Variants in PPP1R37 observed in about 807,000 individuals in gnomAD.
PPP1R37 encodes the protein leucine rich repeat containing 68.
PPP1R37 carries 21 observed loss-of-function variants against 61.0 expected under a neutral mutation model. The ratio of observed to expected loss-of-function variants is 0.34; its 90% confidence interval spans 0.24 to 0.50. The LOEUF (loss-of-function observed/expected upper bound fraction) is 0.50. Among genes scored for constraint, PPP1R37 ranks in the 20% least tolerant of loss-of-function variants. PPP1R37 has a pLI of 0.98. For missense variants in PPP1R37, 910 were observed against 952.7 expected (o/e 0.96, Z 0.59); for synonymous variants, 443 against 433.5 (o/e 1.02, Z -0.27).
chr19:45,140,329 G>A (rs1048205479), intron 3 of PPP1R37, 48 bp downstream of exon 3: 9 of 1,512,958 alleles, frequency 5.9e-6, no homozygotes, highest in East Asian at 4.9e-5. Context: ...TGGGCAGGTC[G>A]GGGGCTCCCT....
chr19:45,107,250 T>G (rs1968143925), intron 1 of PPP1R37, among the ~76,000 whole-genome samples: 1 of 151,868 alleles, frequency 6.6e-6, no homozygotes. Context: ...CCCAGCACTT[T>G]GGGAGGCCGA....
In PPP1R37 at chr19:45,146,847, AG is replaced by A. The variant is rs753563386; in HGVS notation, c.*287del. 1.9e-5 allele frequency: 4 copies of A among 207,116 alleles called. No homozygotes were observed. The highest frequency in any genetic ancestry group is 4.0e-5 in the Non-Finnish European group (4 of 100,208). 12.8% of individuals were successfully genotyped at this position (207,116 alleles called of 1,614,324 possible). On this transcript the variant is annotated 3_prime_UTR_variant, in exon 13 of 13. Transcript: ENST00000221462. ...GGAGGAGGAGGTCTCCAAGGACATCAGGCGCCTGTTCTGGAGGGGCCAGGCT... is the reference window on the plus strand; with the variant it reads ...GGAGGAGGAGGTCTCCAAGGACATCAGCGCCTGTTCTGGAGGGGCCAGGCT...
At chr19:45,111,088 C>T (rs1266125373) in intron 1 of PPP1R37, among the ~76,000 whole-genome samples, 3 of 152,100 alleles carry the variant, frequency 2.0e-5, no homozygotes, top group Non-Finnish European at 4.4e-5. Flanking sequence ...TCAAGCACCT[C>T]GGTGCCCCCA....
intron 1 of PPP1R37, among the ~76,000 whole-genome samples, chr19:45,115,141 T>C (rs1450675424): frequency 6.6e-6 from 1 of 152,048 alleles, no homozygotes; most frequent in Non-Finnish European, 1.5e-5. Context: ...AGGCTTATTG[T>C]CCAGAGAGAG....
chr19:45,133,920 A>G (rs1378656326), intron 1 of PPP1R37, among the ~76,000 whole-genome samples: 1 of 152,204 alleles, frequency 6.6e-6, no homozygotes, highest in Non-Finnish European at 1.5e-5. Flanking sequence ...GATACTGAGG[A>G]ACTGGGTGTG....
chr19:45,098,527 G>C (rs1422545849), intron 1 of PPP1R37, among the ~76,000 whole-genome samples: 1 of 152,194 alleles, frequency 6.6e-6, no homozygotes, highest in Non-Finnish European at 1.5e-5. Context: ...TGCGTTGGGG[G>C]TTTGCCCACT....
chr19:45,142,603 G>A lies in PPP1R37; in HGVS notation c.874+145G>A, dbSNP rs901358119. ...GGGCTCCCAGGAGGAAGACAGACCC[G>A]CCCTAGACAGTGACAACCTAGAGTG... On this transcript the variant is annotated intron_variant, in intron 7 of 12. Transcript: ENST00000221462. 5.4e-5 allele frequency: 45 copies of A among 829,354 alleles called. 1 individual carries two copies. In the Admixed American group the frequency reaches 7.8e-4, roughly 14 times the overall value. 51.4% of individuals were successfully genotyped at this position (829,354 alleles called of 1,614,324 possible). A position where few individuals can be genotyped will look rare whatever the true frequency, so the allele number is the denominator to read the frequency against.
At chr19:45,137,053 C>G (rs538302338) in intron 1 of PPP1R37, 2 of 151,994 alleles carry the variant, frequency 1.3e-5, no homozygotes, top group Non-Finnish European at 2.9e-5. Flanking sequence ...GCCCCCCCCC[C>G]AAGAAGCTGC....
intron 1 of PPP1R37, among the ~76,000 whole-genome samples, chr19:45,106,373 C>T (rs1329295278): frequency 1.3e-5 from 2 of 152,258 alleles, no homozygotes; most frequent in African/African-American, 4.8e-5. Context: ...TCCCAAGTAG[C>T]TGGGATTATA....
intron 1 of PPP1R37, among the ~76,000 whole-genome samples, chr19:45,120,035 T>C (rs1304753527): frequency 2.6e-5 from 3 of 115,590 alleles, no homozygotes; most frequent in Non-Finnish European, 5.5e-5. Context: ...TTTTTTTTTT[T>C]GAGATGGAGT....
chr19:45,145,563 C>T lies in PPP1R37; in HGVS notation c.1507C>T (p.Pro503Ser). 3 of 1,535,440 alleles carry T rather than the reference C, an allele frequency of 2.0e-6. No individual in the cohort carries two copies. The highest frequency in any genetic ancestry group is 2.6e-6 in the Non-Finnish European group (3 of 1,146,620). The change falls in exon 11 of 13, where the codon CCG (proline) becomes TCG (serine). Residue 503 changes from proline (P) to serine (S), a missense_variant. Pro to Ser is a moderately conservative substitution (Grantham distance 74). Transcript: ENST00000221462. ...CGGGGCCCCCAGCCCCGCACCCAGC[C>T]CGGACTCAGACTCAGACTCGGACTC... The part of the protein sequence containing the change: ...QNGAPSPAPS[P>S]DSDSDSDSDG...
At chr19:45,140,657 T>C in intron 4 of PPP1R37, 51 bp downstream of exon 4, 10 of 1,412,124 alleles carry the variant, frequency 7.1e-6, no homozygotes, top group Non-Finnish European at 9.7e-6. Context: ...CCGGGCCCCT[T>C]CGAGGTTTGG....
intron 1 of PPP1R37, among the ~76,000 whole-genome samples, chr19:45,099,907 G>A (rs1359636574): frequency 2.0e-5 from 3 of 152,222 alleles, no homozygotes; most frequent in East Asian, 1.9e-4. Context: ...CTGACTCCCG[G>A]AAGAGCACGC....
intron 1 of PPP1R37, among the ~76,000 whole-genome samples, chr19:45,101,651 G>A (rs1346794121): frequency 6.6e-6 from 1 of 152,212 alleles, no homozygotes; most frequent in Admixed American, 6.5e-5. Flanking sequence ...CCAGGAGGTC[G>A]AGGCTTTAGT....
intron 1 of PPP1R37, chr19:45,136,839 G>C (rs543967114): frequency 1.6e-4 from 24 of 152,388 alleles, no homozygotes; most frequent in African/African-American, 5.8e-4. Flanking sequence ...CAGCCACCTG[G>C]TCCCAGGGAG....
At chr19:45,104,536 C>A (rs1484172346) in intron 1 of PPP1R37, among the ~76,000 whole-genome samples, 1 of 152,196 alleles carries the variant, frequency 6.6e-6, no homozygotes, top group Non-Finnish European at 1.5e-5. Flanking sequence ...TGTTTTGCCT[C>A]CACTTTGCTG....
intron 1 of PPP1R37, among the ~76,000 whole-genome samples, chr19:45,096,865 G>T (rs1252371418): frequency 6.6e-6 from 1 of 152,194 alleles, no homozygotes; most frequent in African/African-American, 2.4e-5. Flanking sequence ...TTGGGAAGAG[G>T]GCTTGAGGAG....
At chr19:45,144,601 G>C (rs1053945684) in intron 8 of PPP1R37, 12 of 501,432 alleles carry the variant, frequency 2.4e-5, no homozygotes, top group Middle Eastern at 5.1e-4. Context: ...CAGGCTGTGG[G>C]GGGTAGGGAC....
At chr19:45,104,229 G>T (rs192362621) in intron 1 of PPP1R37, among the ~76,000 whole-genome samples, 8 of 152,248 alleles carry the variant, frequency 5.3e-5, no homozygotes, top group Admixed American at 2.0e-4. Context: ...GCGCCTCCTC[G>T]CTCTGTTGTT....
Sources: allele counts gnomAD v4.1 joint callset (sites outside exome capture counted in the v4.1 genomes callset), GRCh38; gene constraint gnomAD v4.1.1; transcripts MANE v1.5; gene names NCBI Gene and HGNC (gene_info 2026-07-23, HGNC 2026-07-21).